NTM: variants seen among roughly 807,000 people sequenced by gnomAD.
NTM encodes neurotrimin, also known as IgLON family member 2.
Under a neutral mutation model 42.1 loss-of-function variants are expected in NTM, and 13 were observed. The observed-to-expected ratio is 0.31, with a 90% CI of 0.20 to 0.49. The LOEUF is 0.49. NTM is among the 20% of genes least tolerant of loss of function. The pLI, the probability that NTM is intolerant of heterozygous loss-of-function variation, is 0.99. For synonymous variants in NTM, 187 were observed against 179.2 expected (o/e 1.04, Z -0.35); for missense variants, 373 against 452.8 (o/e 0.82, Z 1.60).
chr11:132,300,653 C>T (rs2094808788), intron 4 of NTM, among the ~76,000 whole-genome samples: 1 of 152,200 alleles, frequency 6.6e-6, no homozygotes, highest in Admixed American at 6.5e-5. Flanking sequence ...GCGGATATTG[C>T]TGTGTGGGTT....
intron 1 of NTM, among the ~76,000 whole-genome samples, chr11:131,556,915 T>C (rs1158580194): frequency 1.3e-5 from 2 of 152,128 alleles, no homozygotes; most frequent in East Asian, 1.9e-4. Context: ...GAAATTATGT[T>C]GTGAATGTTA....
At chr11:131,845,518 C>A (rs1219749059) in intron 1 of NTM, among the ~76,000 whole-genome samples, 1 of 152,060 alleles carries the variant, frequency 6.6e-6, no homozygotes, top group East Asian at 1.9e-4. Flanking sequence ...AAACCAGAAT[C>A]TACATTTAAC....
intron 1 of NTM, among the ~76,000 whole-genome samples, chr11:131,623,615 T>G (rs1262440736): frequency 1.3e-5 from 2 of 152,196 alleles, no homozygotes; most frequent in African/African-American, 4.8e-5. Flanking sequence ...TAATCAGCGA[T>G]GGGTTAGGCC....
intron 1 of NTM, among the ~76,000 whole-genome samples, chr11:131,744,585 T>C (rs987435281): frequency 6.6e-6 from 1 of 152,100 alleles, no homozygotes; most frequent in African/African-American, 2.4e-5. Context: ...AAGAAGTCTA[T>C]TAAGGAATTG....
intron 1 of NTM, among the ~76,000 whole-genome samples, chr11:131,842,672 A>T (rs2044407216): frequency 2.6e-5 from 4 of 152,194 alleles, no homozygotes; most frequent in Admixed American, 2.0e-4. Flanking sequence ...TGAGTATGAA[A>T]ATCCAAAATG....
intron 2 of NTM, among the ~76,000 whole-genome samples, chr11:132,041,656 G>A (rs951739935): frequency 6.6e-6 from 1 of 152,162 alleles, no homozygotes; most frequent in Non-Finnish European, 1.5e-5. Context: ...CGGTAAATGG[G>A]AGCAGAGGAA....
At chr11:131,904,291 A>G (rs1328134467) in intron 1 of NTM, among the ~76,000 whole-genome samples, 1 of 152,072 alleles carries the variant, frequency 6.6e-6, no homozygotes, top group Non-Finnish European at 1.5e-5. Context: ...AGTTCCTCTG[A>G]GAGTTTAAAA....
At chr11:132,302,596 T>C (rs958912965) in intron 4 of NTM, among the ~76,000 whole-genome samples, 4 of 152,266 alleles carry the variant, frequency 2.6e-5, no homozygotes, top group Admixed American at 6.5e-5. Flanking sequence ...CAATAAGAAG[T>C]TGGCAAATTT....
chr11:131,933,802 G>C (rs909356913), intron 2 of NTM, among the ~76,000 whole-genome samples: 4 of 152,094 alleles, frequency 2.6e-5, no homozygotes, highest in Non-Finnish European at 4.4e-5. Context: ...GGAAAAGCGT[G>C]AACTGGGTAA....
chr11:131,424,595 CTTTTCTTTTT>C (rs1947874875), intron 1 of NTM, among the ~76,000 whole-genome samples: 1 of 39,616 alleles, frequency 2.5e-5, no homozygotes, highest in East Asian at 9.5e-4. Flanking sequence ...TATTTCTTTT[CTTTTCTTTTT>C]TTTTTTTTTT....
intron 1 of NTM, among the ~76,000 whole-genome samples, chr11:131,705,204 C>G (rs2076474519): frequency 6.6e-6 from 1 of 152,042 alleles, no homozygotes; most frequent in African/African-American, 2.4e-5. Context: ...AATCAAAAAC[C>G]TAGAAAATTT....
intron 2 of NTM, among the ~76,000 whole-genome samples, chr11:132,094,428 T>C (rs902555001): frequency 5.3e-5 from 8 of 152,140 alleles, no homozygotes; most frequent in South Asian, 2.1e-4. Context: ...CTGTCCTCCA[T>C]GGGTGCAGCA....
intron 1 of NTM, among the ~76,000 whole-genome samples, chr11:131,382,496 GA>G (rs545774053): frequency 2.0e-4 from 30 of 149,888 alleles, no homozygotes; most frequent in Middle Eastern, 3.4e-3. Context: ...CATCACTTGT[GA>G]AAAAAAAAAT....
intron 1 of NTM, among the ~76,000 whole-genome samples, chr11:131,602,350 C>T (rs1018669657): frequency 1.3e-5 from 2 of 152,148 alleles, no homozygotes; most frequent in Non-Finnish European, 2.9e-5. Context: ...GTGTTCAGAG[C>T]CTGGTCTGGG....
intron 1 of NTM, among the ~76,000 whole-genome samples, chr11:131,568,318 C>CTA (rs1156274130): frequency 6.6e-6 from 1 of 152,152 alleles, no homozygotes; most frequent in African/African-American, 2.4e-5. Flanking sequence ...AATATTAGAT[C>CTA]CATTCTACAG....
intron 5 of NTM, 54 bp from the exon 6 acceptor site, chr11:132,310,056 CAA>C (rs71477755): frequency 0.058 from 72,722 of 1,263,840 alleles, 3 homozygotes; most frequent in Middle Eastern, 0.062. Flanking sequence ...GACTCCATCT[CAA>C]AAAAAAAAAA....
intron 1 of NTM, among the ~76,000 whole-genome samples, chr11:131,419,254 G>C (rs993509833): frequency 6.6e-6 from 1 of 152,192 alleles, no homozygotes; most frequent in Non-Finnish European, 1.5e-5. Flanking sequence ...CTCAGTCTTA[G>C]AGAGAACAGC....
At chr11:132,291,372 G>C (rs1417561506) in intron 4 of NTM, among the ~76,000 whole-genome samples, 1 of 152,048 alleles carries the variant, frequency 6.6e-6, no homozygotes, top group Non-Finnish European at 1.5e-5. Flanking sequence ...GACTGGTAAA[G>C]GTGCCATTTA....
intron 1 of NTM, among the ~76,000 whole-genome samples, chr11:131,609,499 C>T (rs916703979): frequency 1.3e-5 from 2 of 152,204 alleles, no homozygotes; most frequent in Admixed American, 1.3e-4. Flanking sequence ...TGCTTTCATG[C>T]TGTGTGGTTT....
Sources: allele counts gnomAD v4.1 joint callset (sites outside exome capture counted in the v4.1 genomes callset), GRCh38; gene constraint gnomAD v4.1.1; transcripts MANE v1.5; gene names NCBI Gene and HGNC (gene_info 2026-07-23, HGNC 2026-07-21).